ADARB2: variants seen among roughly 807,000 people sequenced by gnomAD.
ADARB2 encodes the protein adenosine deaminase RNA specific B2 (inactive).
A neutral mutation model predicts 62.2 loss-of-function variants in ADARB2; 25 were observed. The ratio of observed to expected loss-of-function variants is 0.40; its 90% confidence interval spans 0.29 to 0.56. ADARB2 has a LOEUF of 0.56. Ranked by LOEUF, ADARB2 falls within the 20% of genes least tolerant of loss-of-function variation. The pLI is 0.43. For missense variants in ADARB2, 1,071 were observed against 1,077.4 expected (o/e 0.99, Z 0.08); for synonymous variants, 572 against 500.8 (o/e 1.14, Z -1.90).
At chr10:1,671,228 C>G (rs1037059024) in intron 1 of ADARB2, among the ~76,000 whole-genome samples, 8 of 152,174 alleles carry the variant, frequency 5.3e-5, no homozygotes, top group African/African-American at 1.7e-4. Flanking sequence ...TGATCTCGCC[C>G]CCACCCGCCT....
At chr10:1,300,103 C>G (rs530961758) in intron 3 of ADARB2, among the ~76,000 whole-genome samples, 11 of 152,340 alleles carry the variant, frequency 7.2e-5, no homozygotes, top group African/African-American at 2.6e-4. Context: ...TGCCCTCCAG[C>G]TGTTTAAAGA....
chr10:1,527,461 T>G (rs1467710456), intron 1 of ADARB2, among the ~76,000 whole-genome samples: 7 of 152,220 alleles, frequency 4.6e-5, no homozygotes, highest in Admixed American at 6.5e-5. Context: ...TCCTTGATTT[T>G]CATTTTAAAT....
At position 1,715,423 on chromosome 10, in the gene ADARB2, C is replaced by A. The variant is rs371168723; in HGVS notation, c.100+21628G>T. On this transcript the variant is annotated intron_variant, in intron 1 of 9. Transcript: ENST00000381312. ...TTTTTAATATTTGTTTTTTACTGTACAAATAGATTTTGATTGAGAAACTTT... is the reference window on the plus strand; with the variant it reads ...TTTTTAATATTTGTTTTTTACTGTAAAAATAGATTTTGATTGAGAAACTTT... Among the ~76,000 whole-genome samples the A allele has an allele frequency of 2.3e-4, 35 of 152,166 alleles. 1 individual carries two copies. The highest frequency in any genetic ancestry group is 8.2e-4 in the African/African-American group (34 of 41,510).
chr10:1,363,054 T>C lies in ADARB2; in HGVS notation c.1051A>G (p.Arg351Gly). The change falls in exon 3 of 10, where the codon AGG becomes GGG. Residue 351 changes from arginine to glycine, a missense_variant. Transcript: ENST00000381312. ...TGCGGCATTGGCGTCCTCCTGGCCC[T>C]GCCGGGCGCGTGGCCGGGCATCTGG... ...DIQMPGHAPG[R>G]ARRTPMPQEF... is the part of the protein sequence containing the mutation. 2 of 1,438,472 alleles carry C rather than the reference T, an allele frequency of 1.4e-6. No homozygotes were observed. The highest frequency in any genetic ancestry group is 1.8e-6 in the Non-Finnish European group (2 of 1,097,078). The allele number at this position is 1,438,472 out of a possible 1,614,324, so 89.1% of individuals were successfully genotyped here.
rs1588293794 is a variant in ADARB2, at chr10:1,540,599, C to G, written c.101-161439G>C. Among the ~76,000 whole-genome samples, 4 of 82,986 alleles carry G rather than the reference C, an allele frequency of 4.8e-5. No homozygotes were observed. In the South Asian group the frequency reaches 2.0e-3, roughly 41 times the overall value. The allele number at this position is 82,986 out of a possible 152,430, so 54.4% of individuals were successfully genotyped here. A position where few individuals can be genotyped will look rare whatever the true frequency, so the allele number is the denominator to read the frequency against. On this transcript the variant is annotated intron_variant, in intron 1 of 9. Coordinates refer to ENST00000381312, the MANE Select transcript of ADARB2 (RefSeq NM_018702.4). ...AGTTCAGACCCTGGATCCGTCCAGACCCCACTCAGACGCAGTTCGGACCCT... is the reference window on the plus strand; with the variant it reads ...AGTTCAGACCCTGGATCCGTCCAGAGCCCACTCAGACGCAGTTCGGACCCT...
rs909710371 is a variant in ADARB2 at position 1,384,857 on chromosome 10, G to A, written c.101-5697C>T. Among the ~76,000 whole-genome samples the A allele has an allele frequency of 2.0e-5, 3 of 152,296 alleles. No homozygotes were observed. The South Asian group carries it at 6.2e-4, about 32-fold the overall frequency. On this transcript the variant is annotated intron_variant, in intron 1 of 9. Coordinates refer to ENST00000381312, the MANE Select transcript of ADARB2 (RefSeq NM_018702.4). The stretch of plus-strand genomic sequence containing the variant: ...GCCCCACATGAGAAGGAGAGACTCA[G>A]ATTTCACAGAGAGCAGTGGCTGGGG...
chr10:1,520,801 C>T (rs1432416984), intron 1 of ADARB2, among the ~76,000 whole-genome samples: 2 of 152,182 alleles, frequency 1.3e-5, no homozygotes, highest in Non-Finnish European at 2.9e-5. Flanking sequence ...GGCACTGAGG[C>T]TTCTCAGAGA....
intron 1 of ADARB2, among the ~76,000 whole-genome samples, chr10:1,476,443 G>A (rs911085596): frequency 3.3e-5 from 5 of 152,322 alleles, no homozygotes; most frequent in Middle Eastern, 3.4e-3. Context: ...GACTGTGCTC[G>A]TAAAAGTCCA....
intron 4 of ADARB2, among the ~76,000 whole-genome samples, chr10:1,250,091 A>G (rs1831023377): frequency 8.4e-6 from 1 of 118,512 alleles, no homozygotes; most frequent in Non-Finnish European, 2.0e-5. Flanking sequence ...AAGACTTGCC[A>G]CATTTTTGGA....
intron 1 of ADARB2, among the ~76,000 whole-genome samples, chr10:1,573,932 C>A (rs966493635): frequency 2.0e-5 from 3 of 152,206 alleles, no homozygotes; most frequent in African/African-American, 7.2e-5. Context: ...TCCTGCTAAC[C>A]CTCCATCTGT....
At chr10:1,552,162 T>C (rs765890719) in intron 1 of ADARB2, among the ~76,000 whole-genome samples, 3 of 152,226 alleles carry the variant, frequency 2.0e-5, no homozygotes, top group Non-Finnish European at 2.9e-5. Context: ...TCCGAGCAGG[T>C]GGCTCTGCAG....
Position 1,217,030 on chromosome 10 carries a change from G to T in ADARB2, c.1603C>A (p.Pro535Thr), listed in dbSNP as rs957091524. 1.2e-6 allele frequency: 2 copies of T among 1,611,714 alleles called. No individual in the cohort carries two copies. Among genetic ancestry groups the T allele is most frequent in the Non-Finnish European group, 1.7e-6 (2 of 1,179,470 alleles). The part of the protein sequence containing the change: ...SGEGTVPVRG[P>T]SAVQTWDGVL... ...CCGTCCCAGGTCTGCACTGCGCTGG[G>T]GCCACGCACGGGGACCGTCCCTTCC... The change falls in exon 7 of 10, where the codon CCC (proline) becomes ACC (threonine). Residue 535 changes from proline (P) to threonine (T), a missense_variant. Pro to Thr is a conservative substitution (Grantham distance 38, BLOSUM62 -1). Coordinates refer to ENST00000381312, the MANE Select transcript of ADARB2 (RefSeq NM_018702.4).
chr10:1,680,053 C>A (rs1834515663), intron 1 of ADARB2, among the ~76,000 whole-genome samples: 2 of 152,120 alleles, frequency 1.3e-5, no homozygotes, highest in African/African-American at 4.8e-5. Context: ...CCCCAGGCCT[C>A]CCCAGCCTGT....
chr10:1,454,356 A>G (rs1387457119), intron 1 of ADARB2, among the ~76,000 whole-genome samples: 3 of 152,198 alleles, frequency 2.0e-5, no homozygotes, highest in Admixed American at 6.5e-5. Context: ...CATAGACCCA[A>G]CGAAATTGAA....
At chr10:1,223,790 A>G (rs960697768) in intron 6 of ADARB2, among the ~76,000 whole-genome samples, 1 of 152,148 alleles carries the variant, frequency 6.6e-6, no homozygotes, top group Non-Finnish European at 1.5e-5. Context: ...ATCATGGTGG[A>G]TGAGCTTTTT....
intron 1 of ADARB2, among the ~76,000 whole-genome samples, chr10:1,471,474 T>A (rs1831321724): frequency 6.6e-6 from 1 of 152,122 alleles, no homozygotes; most frequent in South Asian, 2.1e-4. Flanking sequence ...TACCGCAACC[T>A]CTGCCTCCCA....
chr10:1,190,533 C>T (rs1279958843), intron 8 of ADARB2, among the ~76,000 whole-genome samples: 3 of 152,172 alleles, frequency 2.0e-5, no homozygotes, highest in Non-Finnish European at 4.4e-5. Flanking sequence ...AGAAATCTGT[C>T]CTGTCGTAGC....
intron 1 of ADARB2, among the ~76,000 whole-genome samples, chr10:1,637,194 A>G (rs1833927612): frequency 6.6e-6 from 1 of 152,174 alleles, no homozygotes; most frequent in Non-Finnish European, 1.5e-5. Context: ...GCTCTGCTCT[A>G]GCTAACATCA....
At chr10:1,435,205 G>A (rs771301001) in intron 1 of ADARB2, among the ~76,000 whole-genome samples, 3 of 152,194 alleles carry the variant, frequency 2.0e-5, no homozygotes, top group Non-Finnish European at 4.4e-5. Context: ...GGTGCTGGCT[G>A]GGGGGCTGGG....
Sources: allele counts gnomAD v4.1 joint callset (sites outside exome capture counted in the v4.1 genomes callset), GRCh38; gene constraint gnomAD v4.1.1; transcripts MANE v1.5; gene names NCBI Gene and HGNC (gene_info 2026-07-23, HGNC 2026-07-21).